KCNMB4: variants seen among roughly 807,000 people sequenced by gnomAD.
The protein encoded by KCNMB4 is calcium-activated potassium channel subunit beta-4.
KCNMB4 carries 3 observed loss-of-function variants against 20.7 expected under a neutral mutation model. The observed-to-expected ratio is 0.14, with a 90% CI of 0.07 to 0.37. The LOEUF (loss-of-function observed/expected upper bound fraction) is 0.37, where lower values mean the gene tolerates loss of function less well. Ranked by LOEUF, KCNMB4 falls within the 10% of genes least tolerant of loss-of-function variation. KCNMB4 has a pLI of 1.00. For missense variants in KCNMB4, 168 were observed against 265.9 expected, an observed-to-expected ratio of 0.63 and a Z score of 2.56; for synonymous variants, 110 against 113.4, an observed-to-expected ratio of 0.97 and a Z score of 0.19.
At chr12:70,430,419 G>A in intron 2 of KCNMB4, 66 bp from the exon 3 acceptor site, 1 of 1,558,410 alleles carries the variant, frequency 6.4e-7, no homozygotes, top group Non-Finnish European at 8.8e-7. Context: ...GCTTTAGGTT[G>A]TAAAGAGTTT....
chr12:70,383,553 G>A (rs1329757800), intron 1 of KCNMB4, among the ~76,000 whole-genome samples: 1 of 152,130 alleles, frequency 6.6e-6, no homozygotes, highest in Non-Finnish European at 1.5e-5. Flanking sequence ...AGATTTATTT[G>A]TCCACAGTTC....
At chr12:70,414,147 G>T (rs960249865) in intron 2 of KCNMB4, among the ~76,000 whole-genome samples, 5 of 152,096 alleles carry the variant, frequency 3.3e-5, no homozygotes, top group Non-Finnish European at 7.4e-5. Context: ...CAGGAGAATT[G>T]CTTGAACCCG....
At chr12:70,410,023 C>T (rs565671201) in intron 2 of KCNMB4, among the ~76,000 whole-genome samples, 1 of 152,290 alleles carries the variant, frequency 6.6e-6, no homozygotes, top group East Asian at 1.9e-4. Flanking sequence ...ATTCTGTTTC[C>T]CATACACCTT....
At chr12:70,412,846 T>A (rs1218001789) in intron 2 of KCNMB4, among the ~76,000 whole-genome samples, 1 of 152,254 alleles carries the variant, frequency 6.6e-6, no homozygotes. Flanking sequence ...TTTTGTCTTC[T>A]ACTCTGAGAA....
intron 2 of KCNMB4, among the ~76,000 whole-genome samples, chr12:70,405,425 A>C (rs1406121651): frequency 6.6e-6 from 1 of 152,238 alleles, no homozygotes; most frequent in Non-Finnish European, 1.5e-5. Flanking sequence ...ATGCAAATCA[A>C]AGCCACAATG....
chr12:70,418,434 A>C (rs553726695), intron 2 of KCNMB4, among the ~76,000 whole-genome samples: 1 of 152,300 alleles, frequency 6.6e-6, no homozygotes, highest in South Asian at 2.1e-4. Context: ...TGCAGTCACT[A>C]TGCTTGGTGT....
chr12:70,369,727 A>G (rs74526665), intron 1 of KCNMB4, among the ~76,000 whole-genome samples: 2 of 152,382 alleles, frequency 1.3e-5, no homozygotes, highest in East Asian at 3.9e-4. Flanking sequence ...TGAAGAAGAT[A>G]CTGTGAGTAA....
intron 1 of KCNMB4, among the ~76,000 whole-genome samples, chr12:70,384,815 A>G (rs1268460586): frequency 6.8e-6 from 1 of 146,736 alleles, no homozygotes; most frequent in East Asian, 2.0e-4. Flanking sequence ...TTAAGGTTAC[A>G]GTGAGCTATG....
At chr12:70,392,956 A>T (rs182294617) in intron 1 of KCNMB4, among the ~76,000 whole-genome samples, 353 of 152,224 alleles carry the variant, frequency 2.3e-3, no homozygotes, top group Non-Finnish European at 4.1e-3. Context: ...TGTTCTGCAC[A>T]TGTATCCCAT....
chr12:70,394,967 G>A (rs1386264022), intron 1 of KCNMB4, among the ~76,000 whole-genome samples: 1 of 152,078 alleles, frequency 6.6e-6, no homozygotes. Context: ...GCACCTGACT[G>A]TTAATGGAGT....
At chr12:70,418,769 T>C (rs1344768906) in intron 2 of KCNMB4, among the ~76,000 whole-genome samples, 1 of 152,076 alleles carries the variant, frequency 6.6e-6, no homozygotes, top group Non-Finnish European at 1.5e-5. Context: ...TTTGGGGGGA[T>C]TCCTTACCCA....
At chr12:70,378,330 G>C (rs1883724139) in intron 1 of KCNMB4, among the ~76,000 whole-genome samples, 1 of 151,958 alleles carries the variant, frequency 6.6e-6, no homozygotes, top group Non-Finnish European at 1.5e-5. Flanking sequence ...TTGATGTCTT[G>C]AACACCACAA....
At chr12:70,388,619 T>G (rs1263934520) in intron 1 of KCNMB4, among the ~76,000 whole-genome samples, 1 of 152,186 alleles carries the variant, frequency 6.6e-6, no homozygotes, top group Non-Finnish European at 1.5e-5. Flanking sequence ...ATCAGTGATA[T>G]TGAGTACCTT....
intron 1 of KCNMB4, among the ~76,000 whole-genome samples, chr12:70,389,048 A>G (rs574448992): frequency 6.7e-4 from 101 of 151,628 alleles, no homozygotes; most frequent in Non-Finnish European, 1.2e-3. Context: ...ACTGTTGACC[A>G]CCTATGATGG....
At chr12:70,421,505 C>T (rs996494773) in intron 2 of KCNMB4, among the ~76,000 whole-genome samples, 6 of 143,812 alleles carry the variant, frequency 4.2e-5, no homozygotes, top group African/African-American at 1.5e-4. Context: ...TTTTCCCATA[C>T]ATACCCTCAT....
chr12:70,367,736 T>G (rs943169364), intron 1 of KCNMB4, among the ~76,000 whole-genome samples: 1 of 152,090 alleles, frequency 6.6e-6, no homozygotes, highest in African/African-American at 2.4e-5. Context: ...TTACCCTTTG[T>G]GTTTAGGGAC....
chr12:70,366,627 CGGCGGCGGCGGT>C lies in KCNMB4; in HGVS notation c.-96_-85del, dbSNP rs1296037753. ...CGCCGCCCACTCCCCTGCTGTCGCG[CGGCGGCGGCGGT>C]GGCGGCGGCGGCTCCTCCCGCCCGA... On this transcript the variant is annotated 5_prime_UTR_variant, in exon 1 of 3. Transcript: ENST00000258111. The C allele has an allele frequency of 5.5e-6, 4 of 731,282 alleles. No individual in the cohort carries two copies. Among genetic ancestry groups the C allele is most frequent in the Non-Finnish European group, 3.6e-6 (2 of 551,178 alleles). 45.3% of individuals were successfully genotyped at this position (731,282 alleles called of 1,614,324 possible).
intron 2 of KCNMB4, among the ~76,000 whole-genome samples, chr12:70,413,837 G>A (rs771509291): frequency 2.6e-5 from 4 of 152,146 alleles, no homozygotes; most frequent in Non-Finnish European, 5.9e-5. Context: ...CCTAAAATAG[G>A]CAAATTCATA....
chr12:70,387,632 C>T (rs1201487251), intron 1 of KCNMB4, among the ~76,000 whole-genome samples: 2 of 151,740 alleles, frequency 1.3e-5, no homozygotes, highest in African/African-American at 4.8e-5. Context: ...AAACTCCTGA[C>T]CTCAAGTCAG....
Sources: allele counts gnomAD v4.1 joint callset (sites outside exome capture counted in the v4.1 genomes callset), GRCh38; gene constraint gnomAD v4.1.1; transcripts MANE v1.5; gene names NCBI Gene and HGNC (gene_info 2026-07-23, HGNC 2026-07-21).